Variants in ZC3HAV1 observed in about 807,000 individuals in gnomAD.
ZC3HAV1 encodes zinc finger CCCH-type antiviral protein 1.
Under a neutral mutation model 86.6 loss-of-function variants are expected in ZC3HAV1, and 41 were observed. The observed-to-expected ratio is 0.47, with a 90% CI of 0.37 to 0.61. ZC3HAV1 has a LOEUF of 0.61. Among genes scored for constraint, ZC3HAV1 ranks in the 20% least tolerant of loss-of-function variants. The pLI is 0.00. For missense variants in ZC3HAV1, 964 were observed against 1,141.1 expected (o/e 0.84, Z 2.24); for synonymous variants, 421 against 432.1 (o/e 0.97, Z 0.32).
At chr7:139,078,872 T>C (rs1817037005) in intron 4 of ZC3HAV1, among the ~76,000 whole-genome samples, 1 of 152,248 alleles carries the variant, frequency 6.6e-6, no homozygotes, top group South Asian at 2.1e-4. Flanking sequence ...TCTTAAATCA[T>C]AGTTGAAATA....
chr7:139,064,396 G>A (rs957873727), intron 8 of ZC3HAV1, among the ~76,000 whole-genome samples: 2 of 152,182 alleles, frequency 1.3e-5, no homozygotes, highest in African/African-American at 2.4e-5. Context: ...CAATAAACAC[G>A]GTGGAAGGCA....
chr7:139,096,834 A>G (rs1463630930), intron 1 of ZC3HAV1, among the ~76,000 whole-genome samples: 1 of 152,208 alleles, frequency 6.6e-6, no homozygotes, highest in African/African-American at 2.4e-5. Flanking sequence ...TTAGGGTGGT[A>G]TTTAAAAATG....
intron 1 of ZC3HAV1, among the ~76,000 whole-genome samples, chr7:139,101,000 G>A (rs543623602): frequency 6.6e-6 from 1 of 152,320 alleles, no homozygotes; most frequent in East Asian, 1.9e-4. Context: ...GTGCCGCCAC[G>A]CCTGACTGGT....
chr7:139,058,453 C>T (rs866871750), intron 9 of ZC3HAV1, among the ~76,000 whole-genome samples: 1 of 115,986 alleles, frequency 8.6e-6, no homozygotes, highest in Non-Finnish European at 1.7e-5. Flanking sequence ...CCCCCCCCCC[C>T]CACAAAAAAA....
rs187847497 is a variant in ZC3HAV1 at position 139,051,590 on chromosome 7, G to T, written c.2449+1861C>A. Among the ~76,000 whole-genome samples the T allele has an allele frequency of 7.9e-5, 12 of 151,942 alleles. No homozygotes were observed. The East Asian group carries it at 2.1e-3, about 27-fold the overall frequency. On this transcript the variant is annotated intron_variant, in intron 12 of 12. Coordinates refer to ENST00000242351, the MANE Select transcript of ZC3HAV1 (RefSeq NM_020119.4). ...CCCAGGTAATTAAAAAAATTTGTTT[G>T]TAATTAAAACAAAAAATTAGATAAG...
At chr7:139,081,085 C>T (rs537086805) in intron 3 of ZC3HAV1, among the ~76,000 whole-genome samples, 1 of 152,148 alleles carries the variant, frequency 6.6e-6, no homozygotes, top group South Asian at 2.1e-4. Context: ...CTTCTGGAAG[C>T]AGGGAGGAAG....
chr7:139,097,428 A>ATATTTTTTT, intron 1 of ZC3HAV1, among the ~76,000 whole-genome samples: 2 of 48,158 alleles, frequency 4.2e-5, no homozygotes, highest in African/African-American at 2.3e-4. Context: ...ATATATATAT[A>ATATTTTTTT]TTTTTTTTTT....
At chr7:139,096,849 T>C (rs1217218367) in intron 1 of ZC3HAV1, among the ~76,000 whole-genome samples, 1 of 152,126 alleles carries the variant, frequency 6.6e-6, no homozygotes, top group African/African-American at 2.4e-5. Context: ...AAAATGCAGA[T>C]CCTGGGGGCG....
At chr7:139,058,596 A>C (rs1322253476) in intron 9 of ZC3HAV1, among the ~76,000 whole-genome samples, 1 of 152,210 alleles carries the variant, frequency 6.6e-6, no homozygotes, top group African/African-American at 2.4e-5. Context: ...GAAGTGGGTA[A>C]GTACTATAAG....
chr7:139,063,505 T>G lies in ZC3HAV1; in HGVS notation c.1993+1374A>C, dbSNP rs188092620. 4.6e-5 allele frequency among the ~76,000 whole-genome samples: 7 copies of G among 152,106 alleles called. 1 individual carries two copies. In the East Asian group the frequency reaches 1.2e-3, roughly 25 times the overall value. On this transcript the variant is annotated intron_variant, in intron 8 of 12. Coordinates refer to ENST00000242351, the MANE Select transcript of ZC3HAV1 (RefSeq NM_020119.4). ...GGGAGGTTGAGGTGGGAGGATCGCTTGAGCTCAGGAGTTTAAAATCAGCCT... is the reference window on the plus strand; with the variant it reads ...GGGAGGTTGAGGTGGGAGGATCGCTGGAGCTCAGGAGTTTAAAATCAGCCT...
At position 139,079,370 on chromosome 7, in the gene ZC3HAV1, G is replaced by GT. The variant is rs754400941; in HGVS notation, c.1471+99dup. On this transcript the variant is annotated intron_variant, in intron 4 of 12. Transcript: ENST00000242351. Reference sequence around the variant, plus strand: ...TGTTAAGCCAAAACCAGTGGCACCAGTTTTTTCTACATCAGTAGTTTTATC... The same window carrying GT: ...TGTTAAGCCAAAACCAGTGGCACCAGTTTTTTTCTACATCAGTAGTTTTATC... 4.4e-6 allele frequency: 7 copies of GT among 1,601,914 alleles called. No individual in the cohort carries two copies. In the African/African-American group the frequency reaches 5.3e-5, roughly 12 times the overall value.
intron 6 of ZC3HAV1, among the ~76,000 whole-genome samples, chr7:139,074,773 GTTCA>G (rs1335543008): frequency 6.6e-6 from 1 of 151,968 alleles, no homozygotes; most frequent in Non-Finnish European, 1.5e-5. Flanking sequence ...CATGAAACAT[GTTCA>G]TTATGTTAAC....
At chr7:139,076,136 C>T in intron 6 of ZC3HAV1, 150 bp downstream of exon 6, 2 of 1,286,392 alleles carry the variant, frequency 1.6e-6, no homozygotes, top group South Asian at 2.9e-5. Context: ...ACTCGGCAGG[C>T]ATTTGCCATT....
Position 139,055,271 on chromosome 7 carries a change from T to C in ZC3HAV1, c.2121A>G (p.Ser707=), listed in dbSNP as rs1027504052. 1.9e-6 allele frequency: 3 copies of C among 1,613,130 alleles called. No individual in the cohort carries two copies. The African/African-American group carries it at 4.0e-5, about 22-fold the overall frequency. ...GPDHQPAKTS[S]VSLTATFRPQ... is the part of the protein sequence containing the mutation. ...GACGAAAGGTCGCAGTTAAAGACAC[T>C]GACGAGGTCTTTGCTGGCTGATGGC... The change falls in exon 10 of 13, where the codon TCA becomes TCG. Residue 707 remains serine, a synonymous_variant. Coordinates refer to ENST00000242351, the MANE Select transcript of ZC3HAV1 (RefSeq NM_020119.4).
chr7:139,093,693 C>A (rs1817497593), intron 1 of ZC3HAV1, among the ~76,000 whole-genome samples: 1 of 152,166 alleles, frequency 6.6e-6, no homozygotes, highest in Admixed American at 6.5e-5. Context: ...TATAAAACGG[C>A]CCCACCCTCA....
At chr7:139,065,693 C>T (rs915009469) in intron 7 of ZC3HAV1, among the ~76,000 whole-genome samples, 3 of 152,126 alleles carry the variant, frequency 2.0e-5, no homozygotes, top group African/African-American at 7.2e-5. Context: ...ATCACGAGGT[C>T]AAGAGATCGA....
intron 2 of ZC3HAV1, among the ~76,000 whole-genome samples, chr7:139,086,659 G>T (rs1442592462): frequency 6.6e-6 from 1 of 152,138 alleles, no homozygotes; most frequent in Non-Finnish European, 1.5e-5. Context: ...ATCTCATCTT[G>T]AATTGTAGTT....
In ZC3HAV1 at chr7:139,055,190, T is replaced by C. The variant is rs147880822; in HGVS notation, c.2187+15A>G. On this transcript the variant is annotated intron_variant, in intron 10 of 12. Transcript: ENST00000242351. ...TTTTAACAGACTCATCCACCAAACA[T>C]GTAAAACCAAGTACCTTATATTTCT... 14 of 1,605,620 alleles carry C rather than the reference T, an allele frequency of 8.7e-6. No individual in the cohort carries two copies. In the African/African-American group the frequency reaches 1.6e-4, roughly 18 times the overall value.
At chr7:139,097,428 A>ATATTTTTT in intron 1 of ZC3HAV1, among the ~76,000 whole-genome samples, 4 of 48,160 alleles carry the variant, frequency 8.3e-5, no homozygotes, top group African/African-American at 3.4e-4. Flanking sequence ...ATATATATAT[A>ATATTTTTT]TTTTTTTTTT....
Sources: gnomAD v4.1 joint callset for allele counts (sites outside exome capture counted in the v4.1 genomes callset) on GRCh38, gnomAD v4.1.1 for gene constraint, MANE v1.5 for transcripts, NCBI Gene and HGNC (gene_info 2026-07-23, HGNC 2026-07-21) for gene names.